ECT2L: variants seen among roughly 807,000 people sequenced by gnomAD.
ECT2L encodes the protein epithelial cell-transforming sequence 2 oncogene-like.
ECT2L carries 126 observed loss-of-function variants against 122.8 expected under a neutral mutation model. That is an observed-to-expected ratio of 1.03 (90% CI 0.89 to 1.19). ECT2L has a LOEUF of 1.19. Ranked by LOEUF, ECT2L falls within the 50% of genes most tolerant of loss-of-function variation. The pLI is 0.00. For synonymous variants in ECT2L, 385 were observed against 381.8 expected (o/e 1.01, Z -0.10); for missense variants, 1,012 against 1,064.1 (o/e 0.95, Z 0.68).
intron 10 of ECT2L, among the ~76,000 whole-genome samples, chr6:138,860,961 G>A (rs1049215204): frequency 1.3e-5 from 2 of 151,884 alleles, no homozygotes; most frequent in East Asian, 1.9e-4. Context: ...TTCCACTTAC[G>A]AGTGAGAACA....
At chr6:138,844,681 G>C in intron 7 of ECT2L, 101 bp downstream of exon 7, 2 of 1,110,428 alleles carry the variant, frequency 1.8e-6, no homozygotes, top group Non-Finnish European at 2.6e-6. Flanking sequence ...GTGTAATTCT[G>C]TGGCTCATAT....
In ECT2L at chr6:138,864,002, TA is replaced by T. The variant is rs1172466449; in HGVS notation, c.1292-967del. Among the ~76,000 whole-genome samples the T allele has an allele frequency of 3.4e-3, 192 of 55,858 alleles. 3 individuals carry two copies. The East Asian group carries it at 0.035, about 10-fold the overall frequency. The allele number at this position is 55,858 out of a possible 152,430, so 36.6% of individuals were successfully genotyped here. On this transcript the variant is annotated intron_variant, in intron 11 of 21. Transcript: ENST00000541398. ...CTCTCTTGTTCTCATTCTCCGTATT[TA>T]AAAAAAAAAAAAAAAAAAAAAAAAA...
chr6:138,796,409 A>AG (rs1389935087), intron 1 of ECT2L, among the ~76,000 whole-genome samples: 1 of 152,200 alleles, frequency 6.6e-6, no homozygotes, highest in Non-Finnish European at 1.5e-5. Context: ...ATCCACGCGT[A>AG]GGGTAGGGTT....
chr6:138,831,245 G>T (rs1056286323), intron 4 of ECT2L, among the ~76,000 whole-genome samples: 1 of 152,156 alleles, frequency 6.6e-6, no homozygotes, highest in Non-Finnish European at 1.5e-5. Context: ...CCTTCTAATT[G>T]GTCTCCCCAT....
chr6:138,798,204 G>A (rs990299610), intron 1 of ECT2L, among the ~76,000 whole-genome samples: 1 of 152,126 alleles, frequency 6.6e-6, no homozygotes, highest in Non-Finnish European at 1.5e-5. Context: ...TTCATTCATA[G>A]GCACAATTGA....
At chr6:138,843,338 G>A in intron 6 of ECT2L, 107 bp downstream of exon 6, 2 of 1,154,070 alleles carry the variant, frequency 1.7e-6, no homozygotes, top group African/African-American at 3.1e-5. Context: ...AATACTCTGA[G>A]TGGCAGTCTT....
intron 19 of ECT2L, among the ~76,000 whole-genome samples, chr6:138,888,308 T>C (rs1778895830): frequency 7.7e-6 from 1 of 129,260 alleles, no homozygotes. Context: ...ATTCACTTCT[T>C]TTTCTTTTCT....
chr6:138,901,239 C>A, intron 21 of ECT2L, 119 bp downstream of exon 21: 1 of 1,015,126 alleles, frequency 9.9e-7, no homozygotes, highest in Non-Finnish European at 1.4e-6. Context: ...GCAAACAATT[C>A]CCCCAATATT....
intron 14 of ECT2L, among the ~76,000 whole-genome samples, chr6:138,880,738 A>C (rs1407303880): frequency 6.6e-6 from 1 of 152,188 alleles, no homozygotes; most frequent in African/African-American, 2.4e-5. Context: ...CCAAGATTAA[A>C]AGTCCCTTCT....
At chr6:138,822,789 G>A in intron 4 of ECT2L, 2 of 1,606,878 alleles carry the variant, frequency 1.2e-6, no homozygotes, top group South Asian at 2.2e-5. Flanking sequence ...TTATTATGAG[G>A]AAAATGAAAT....
chr6:138,811,974 C>CCA (rs1775917937), intron 1 of ECT2L, among the ~76,000 whole-genome samples: 1 of 152,156 alleles, frequency 6.6e-6, no homozygotes, highest in East Asian at 1.9e-4. Context: ...CAGGCATGAA[C>CCA]CACTGCACCC....
chr6:138,888,141 T>C (rs1401884483), intron 19 of ECT2L, among the ~76,000 whole-genome samples: 2 of 152,104 alleles, frequency 1.3e-5, no homozygotes. Flanking sequence ...TCTGGACATT[T>C]TGTAGGGAAA....
intron 12 of ECT2L, among the ~76,000 whole-genome samples, 188 bp from the exon 13 acceptor site, chr6:138,867,915 G>A (rs1778104295): frequency 6.7e-6 from 1 of 148,326 alleles, no homozygotes; most frequent in East Asian, 2.0e-4. Flanking sequence ...AAGCTGAGGT[G>A]GGAGGATCAC....
Position 138,821,445 on chromosome 6 carries a change from GA to G in ECT2L, c.179+6853del, listed in dbSNP as rs1025455130. ...TCCATTCCCTCAGATGTGTCCAGAAGAAAAAAAAAAACATTTGTTTGGGCTT... is the reference window on the plus strand; with the variant it reads ...TCCATTCCCTCAGATGTGTCCAGAAGAAAAAAAAAACATTTGTTTGGGCTT... On this transcript the variant is annotated intron_variant, in intron 4 of 21. Coordinates refer to ENST00000541398, the MANE Select transcript of ECT2L (RefSeq NM_001077706.3). Among the ~76,000 whole-genome samples the G allele has an allele frequency of 6.3e-4, 92 of 145,254 alleles. No individual in the cohort carries two copies. In the East Asian group the frequency reaches 9.4e-3, roughly 15 times the overall value.
At chr6:138,840,103 TGTTA>T (rs1776984379) in intron 5 of ECT2L, among the ~76,000 whole-genome samples, 1 of 152,198 alleles carries the variant, frequency 6.6e-6, no homozygotes, top group African/African-American at 2.4e-5. Flanking sequence ...GAAAAGAGAT[TGTTA>T]TTTAAAAATT....
chr6:138,814,452 C>CT, intron 3 of ECT2L, 39 bp from the exon 4 acceptor site: 1 of 1,298,264 alleles, frequency 7.7e-7, no homozygotes, highest in Non-Finnish European at 1.1e-6. Flanking sequence ...AAACAATGAA[C>CT]TGTACAGCAA....
At chr6:138,874,513 A>T (rs1193202526) in intron 13 of ECT2L, among the ~76,000 whole-genome samples, 1 of 152,234 alleles carries the variant, frequency 6.6e-6, no homozygotes. Context: ...TATATTTAAA[A>T]AAGTAAGTTG....
intron 1 of ECT2L, among the ~76,000 whole-genome samples, chr6:138,807,633 T>A (rs552541688): frequency 6.6e-6 from 1 of 152,154 alleles, no homozygotes; most frequent in South Asian, 2.1e-4. Context: ...CAGATACCAA[T>A]TTTTTTTGTT....
Position 138,886,923 on chromosome 6 carries a change from G to A in ECT2L, c.2325+1G>A, listed in dbSNP as rs774290048. ...ACAGAGAATCATCTGGGGATGCCCT[G>A]TATGTATTCTTAGGAACTTGCTGTA... On this transcript the variant is annotated splice_donor_variant, in intron 19 of 21. Transcript: ENST00000541398. LOFTEE classifies it high-confidence loss of function. The A allele has an allele frequency of 4.3e-6, 7 of 1,611,146 alleles. No homozygotes were observed. Among genetic ancestry groups the A allele is most frequent in the Non-Finnish European group, 5.9e-6 (7 of 1,178,034 alleles).
Sources: gnomAD v4.1 joint callset for allele counts (sites outside exome capture counted in the v4.1 genomes callset) on GRCh38, gnomAD v4.1.1 for gene constraint, MANE v1.5 for transcripts, NCBI Gene and HGNC (gene_info 2026-07-23, HGNC 2026-07-21) for gene names.